FARS2: variants seen among roughly 807,000 people sequenced by gnomAD.
FARS2 encodes phenylalanyl-tRNA synthetase 2, mitochondrial, also known as phenylalanine--tRNA ligase, mitochondrial.
Under a neutral mutation model 46.4 loss-of-function variants are expected in FARS2, and 40 were observed. That is an observed-to-expected ratio of 0.86 (90% CI 0.67 to 1.12). FARS2 has a LOEUF of 1.12. Ranked by LOEUF, FARS2 falls within the 50% of genes most tolerant of loss-of-function variation. The pLI, the probability that FARS2 is intolerant of heterozygous loss-of-function variation, is 0.00. For missense variants in FARS2, 513 were observed against 567.9 expected, an observed-to-expected ratio of 0.90 and a Z score of 0.98; for synonymous variants, 234 against 214.9, an observed-to-expected ratio of 1.09 and a Z score of -0.78.
At chr6:5,473,146 G>A (rs915417707) in intron 4 of FARS2, among the ~76,000 whole-genome samples, 6 of 152,112 alleles carry the variant, frequency 3.9e-5, no homozygotes, top group Non-Finnish European at 7.4e-5. Context: ...TTTAAATAAT[G>A]CCAAGGAGGT....
chr6:5,545,455 AT>A, intron 5 of FARS2, 115 bp downstream of exon 5: 2 of 806,826 alleles, frequency 2.5e-6, no homozygotes, highest in Non-Finnish European at 3.6e-6. Context: ...TTTTATTTTC[AT>A]TTTACTTTAA....
chr6:5,764,345 C>G lies in FARS2; in HGVS notation c.1218-6946C>G, dbSNP rs1762641554. Among the ~76,000 whole-genome samples, 1 of 152,150 alleles carries G rather than the reference C, an allele frequency of 6.6e-6. No homozygotes were observed. The highest frequency in any genetic ancestry group is 1.5e-5 in the Non-Finnish European group (1 of 68,026). On this transcript the variant is annotated intron_variant, in intron 6 of 6. Transcript: ENST00000274680. This position sits in a 1 kb window ranked among gnomAD's most constrained non-coding sequence, Gnocchi z 4.1. ...ATATTTTCAGGAGAGGCCATGGAACCTGTCCTCACTTCCTCCTCCTCCTCC... is the reference window on the plus strand; with the variant it reads ...ATATTTTCAGGAGAGGCCATGGAACGTGTCCTCACTTCCTCCTCCTCCTCC...
chr6:5,281,173 TAAAC>T (rs1766698421), intron 1 of FARS2, among the ~76,000 whole-genome samples: 1 of 152,184 alleles, frequency 6.6e-6, no homozygotes, highest in East Asian at 1.9e-4. Context: ...AAAAGCTTCT[TAAAC>T]AAAGCATGGG....
chr6:5,663,491 C>A (rs1777947663), intron 6 of FARS2, among the ~76,000 whole-genome samples: 1 of 152,170 alleles, frequency 6.6e-6, no homozygotes, highest in African/African-American at 2.4e-5. Context: ...TTGGGGCCAC[C>A]AGCAGACAGC....
At chr6:5,293,072 A>G (rs893496088) in intron 1 of FARS2, among the ~76,000 whole-genome samples, 2 of 152,212 alleles carry the variant, frequency 1.3e-5, no homozygotes, top group Non-Finnish European at 2.9e-5. Flanking sequence ...ATAGGAGGGT[A>G]TTGGTGACAC....
At chr6:5,512,199 G>GC (rs913512458) in intron 4 of FARS2, among the ~76,000 whole-genome samples, 2 of 152,102 alleles carry the variant, frequency 1.3e-5, no homozygotes, top group African/African-American at 4.8e-5. Flanking sequence ...ATAATAGGAG[G>GC]CCCGGGGGGT....
intron 4 of FARS2, among the ~76,000 whole-genome samples, chr6:5,531,533 G>A (rs372950239): frequency 3.1e-4 from 47 of 152,252 alleles, no homozygotes; most frequent in African/African-American, 1.0e-3. Context: ...AGCTCAGACC[G>A]TATTAAAGAA....
chr6:5,452,533 A>T (rs1029566499), intron 4 of FARS2: 1 of 152,262 alleles, frequency 6.6e-6, no homozygotes, highest in African/African-American at 2.4e-5. Flanking sequence ...AAACCATGCC[A>T]TGGTTTGCAC....
At chr6:5,428,102 T>C (rs915253518) in intron 3 of FARS2, among the ~76,000 whole-genome samples, 5 of 152,208 alleles carry the variant, frequency 3.3e-5, no homozygotes, top group Non-Finnish European at 7.3e-5. Flanking sequence ...TATGAGACCA[T>C]ATGCAGTAGA....
At chr6:5,373,512 G>T (rs1228181297) in intron 2 of FARS2, among the ~76,000 whole-genome samples, 3 of 152,150 alleles carry the variant, frequency 2.0e-5, no homozygotes, top group Non-Finnish European at 2.9e-5. Flanking sequence ...TCTACTGGAG[G>T]TGTGATCTGC....
chr6:5,405,032 C>G (rs2432776), intron 3 of FARS2, among the ~76,000 whole-genome samples: 4 of 151,876 alleles, frequency 2.6e-5, no homozygotes, highest in African/African-American at 9.7e-5. Context: ...CCCCTGGCCT[C>G]GTGATCCGCC....
At chr6:5,463,951 G>T (rs1738865534) in intron 4 of FARS2, among the ~76,000 whole-genome samples, 1 of 152,214 alleles carries the variant, frequency 6.6e-6, no homozygotes, top group African/African-American at 2.4e-5. Flanking sequence ...ATGTAGTCGT[G>T]CTAATAACTT....
chr6:5,616,391 G>T (rs1306069161), intron 6 of FARS2, among the ~76,000 whole-genome samples: 1 of 152,188 alleles, frequency 6.6e-6, no homozygotes, highest in Non-Finnish European at 1.5e-5. Flanking sequence ...AGTACTAATT[G>T]ATATGCCAAA....
chr6:5,332,248 T>C (rs1457802137), intron 1 of FARS2, among the ~76,000 whole-genome samples: 4 of 152,162 alleles, frequency 2.6e-5, no homozygotes, highest in East Asian at 1.9e-4. Flanking sequence ...GCTGGAAATA[T>C]AAAGAAGAAT....
chr6:5,639,336 G>A (rs1331341884), intron 6 of FARS2, among the ~76,000 whole-genome samples: 1 of 152,174 alleles, frequency 6.6e-6, no homozygotes, highest in Non-Finnish European at 1.5e-5. Flanking sequence ...GTCCCATCAT[G>A]GGAGTTACCA....
intron 4 of FARS2, among the ~76,000 whole-genome samples, chr6:5,515,456 T>A (rs1384593340): frequency 6.6e-6 from 1 of 151,976 alleles, no homozygotes; most frequent in Non-Finnish European, 1.5e-5. Flanking sequence ...TGAGACAGAG[T>A]CTCCCTCTGT....
intron 6 of FARS2, among the ~76,000 whole-genome samples, chr6:5,756,761 C>G (rs555459595): frequency 5.9e-5 from 9 of 152,160 alleles, no homozygotes; most frequent in Admixed American, 5.9e-4. Flanking sequence ...TATTCTGCAT[C>G]ACTCTAGAAC....
At chr6:5,389,129 A>C (rs1022095927) in intron 2 of FARS2, among the ~76,000 whole-genome samples, 1 of 151,610 alleles carries the variant, frequency 6.6e-6, no homozygotes, top group African/African-American at 2.4e-5. Context: ...TTTCTAATAG[A>C]ATCATACAGC....
intron 4 of FARS2, among the ~76,000 whole-genome samples, chr6:5,487,877 C>T (rs572643119): frequency 9.6e-5 from 14 of 145,886 alleles, no homozygotes; most frequent in South Asian, 6.4e-4. Context: ...AGGACACATG[C>T]TCCATGTGTG....
Sources: allele counts gnomAD v4.1 joint callset (sites outside exome capture counted in the v4.1 genomes callset), GRCh38; gene constraint gnomAD v4.1.1; non-coding constraint Gnocchi (gnomAD v3.1); transcripts MANE v1.5; gene names NCBI Gene and HGNC (gene_info 2026-07-23, HGNC 2026-07-21).